The following B3GALT1 variants were observed in gnomAD, a reference collection of about 807,000 sequenced individuals.
B3GALT1 encodes beta-1,3-galactosyltransferase 1.
A neutral mutation model predicts 23.2 loss-of-function variants in B3GALT1; 10 were observed. The observed-to-expected ratio is 0.43, with a 90% CI of 0.27 to 0.73. B3GALT1 has a LOEUF of 0.73. Ranked by LOEUF, B3GALT1 falls within the 30% of genes least tolerant of loss-of-function variation. The pLI is 0.21. For synonymous variants in B3GALT1, 156 were observed against 141.5 expected, an observed-to-expected ratio of 1.10 and a Z score of -0.73; for missense variants, 299 against 405.4, an observed-to-expected ratio of 0.74 and a Z score of 2.25.
At chr2:167,746,743 A>T (rs1687658936) in intron 3 of B3GALT1, among the ~76,000 whole-genome samples, 1 of 152,212 alleles carries the variant, frequency 6.6e-6, no homozygotes, top group Admixed American at 6.5e-5. Context: ...TGCCATTATG[A>T]AATGTGTTTT....
intron 2 of B3GALT1, among the ~76,000 whole-genome samples, chr2:167,506,037 G>A (rs916709143): frequency 6.6e-6 from 1 of 152,024 alleles, no homozygotes; most frequent in Non-Finnish European, 1.5e-5. Flanking sequence ...TCCAGCCTGG[G>A]TGACAGAGCG....
intron 1 of B3GALT1, among the ~76,000 whole-genome samples, chr2:167,454,196 A>AGTGTGTGTGTGTGTGT (rs35747652): frequency 2.6e-4 from 40 of 152,056 alleles, no homozygotes; most frequent in African/African-American, 9.4e-4. Context: ...ATAACAGGAA[A>AGTGTGTGTGTGTGTGT]GTGTGTGTGT....
intron 2 of B3GALT1, among the ~76,000 whole-genome samples, chr2:167,623,474 C>T (rs1056717072): frequency 6.6e-5 from 10 of 151,994 alleles, no homozygotes; most frequent in African/African-American, 2.2e-4. Context: ...AAGCTGGAAA[C>T]CATCATTCTC....
intron 4 of B3GALT1, among the ~76,000 whole-genome samples, chr2:167,858,689 A>G (rs1011025042): frequency 6.6e-6 from 1 of 152,156 alleles, no homozygotes; most frequent in South Asian, 2.1e-4. Flanking sequence ...CCAATGCCAT[A>G]AGGCTGACTG....
chr2:167,644,779 TAAA>T (rs199652424), intron 2 of B3GALT1, among the ~76,000 whole-genome samples: 1,975 of 91,154 alleles, frequency 0.022, 67 homozygotes, highest in African/African-American at 0.084. Context: ...GACTCTGTCT[TAAA>T]AAAAAAAAAA....
chr2:167,569,155 G>A (rs1467710381), intron 2 of B3GALT1, among the ~76,000 whole-genome samples: 1 of 151,814 alleles, frequency 6.6e-6, no homozygotes, highest in African/African-American at 2.4e-5. Flanking sequence ...GTCAGATAAT[G>A]TCAGTTCTCC....
At chr2:167,339,064 T>C (rs1697105909) in intron 1 of B3GALT1, among the ~76,000 whole-genome samples, 1 of 152,128 alleles carries the variant, frequency 6.6e-6, no homozygotes, top group African/African-American at 2.4e-5. Context: ...TTGCTCAAAT[T>C]AAAGATATGC....
intron 4 of B3GALT1, among the ~76,000 whole-genome samples, chr2:167,834,252 A>G (rs1689411994): frequency 6.6e-6 from 1 of 152,208 alleles, no homozygotes; most frequent in Non-Finnish European, 1.5e-5. Context: ...AGTCTTCTGT[A>G]TAAACATCTG....
chr2:167,306,493 A>G (rs1222305986), intron 1 of B3GALT1, among the ~76,000 whole-genome samples: 4 of 152,028 alleles, frequency 2.6e-5, no homozygotes, highest in Non-Finnish European at 5.9e-5. Flanking sequence ...TTTTAAATGA[A>G]AAAACAACTA....
chr2:167,633,272 A>G (rs1036848840), intron 2 of B3GALT1, among the ~76,000 whole-genome samples: 3 of 151,876 alleles, frequency 2.0e-5, no homozygotes, highest in African/African-American at 7.3e-5. Context: ...AAAAAATGTT[A>G]AGGGCAGCCA....
At chr2:167,739,614 A>T (rs553852760) in intron 3 of B3GALT1, among the ~76,000 whole-genome samples, 4 of 152,022 alleles carry the variant, frequency 2.6e-5, no homozygotes, top group African/African-American at 9.7e-5. Context: ...TATTTTCTCC[A>T]TAGTGCTTTT....
At chr2:167,479,146 C>G (rs11884969) in intron 1 of B3GALT1, among the ~76,000 whole-genome samples, 1 of 151,994 alleles carries the variant, frequency 6.6e-6, no homozygotes, top group Admixed American at 6.6e-5. Flanking sequence ...TGGAGTAGAT[C>G]ACTTCACCTT....
intron 2 of B3GALT1, among the ~76,000 whole-genome samples, chr2:167,553,054 A>T (rs1240438398): frequency 6.6e-6 from 1 of 152,210 alleles, no homozygotes; most frequent in Non-Finnish European, 1.5e-5. Flanking sequence ...AAATGTCATC[A>T]AATATTTATT....
intron 2 of B3GALT1, among the ~76,000 whole-genome samples, chr2:167,495,544 G>C (rs1349808915): frequency 2.6e-5 from 4 of 152,034 alleles, no homozygotes; most frequent in Non-Finnish European, 5.9e-5. Context: ...TGTTGGTCAG[G>C]CTGGTCTCGA....
At chr2:167,664,129 G>A (rs1379038252) in intron 3 of B3GALT1, among the ~76,000 whole-genome samples, 1 of 150,128 alleles carries the variant, frequency 6.7e-6, no homozygotes, top group Non-Finnish European at 1.5e-5. Context: ...ATCTTGAATT[G>A]ATTTTTGTAT....
At chr2:167,455,172 G>A (rs1699149582) in intron 1 of B3GALT1, among the ~76,000 whole-genome samples, 1 of 152,146 alleles carries the variant, frequency 6.6e-6, no homozygotes, top group Non-Finnish European at 1.5e-5. Flanking sequence ...GATTTTCCTA[G>A]ATTGAGAACC....
At chr2:167,426,656 A>T (rs1382548179) in intron 1 of B3GALT1, among the ~76,000 whole-genome samples, 2 of 152,188 alleles carry the variant, frequency 1.3e-5, no homozygotes, top group Non-Finnish European at 2.9e-5. Context: ...CAGTCCTAGT[A>T]ATTATTAAAT....
rs887189047 is a variant in B3GALT1, at chr2:167,562,243, A to C, written c.-410+71966A>C. ...TCAATAGATGCAGAAAAGGCCTTTG[A>C]CAAAATTCAACAACCCTTCATGCTA... On this transcript the variant is annotated intron_variant, in intron 2 of 4. Transcript: ENST00000392690. Among the ~76,000 whole-genome samples the C allele has an allele frequency of 1.8e-4, 28 of 152,368 alleles. No homozygotes were observed. In the East Asian group the frequency reaches 4.2e-3, roughly 23 times the overall value.
chr2:167,529,466 G>A (rs1243850594), intron 2 of B3GALT1, among the ~76,000 whole-genome samples: 1 of 151,618 alleles, frequency 6.6e-6, no homozygotes, highest in Non-Finnish European at 1.5e-5. Context: ...AATAGAATTA[G>A]GATGAATCTA....
Sources: allele counts gnomAD v4.1 joint callset (sites outside exome capture counted in the v4.1 genomes callset), GRCh38; gene constraint gnomAD v4.1.1; transcripts MANE v1.5; gene names NCBI Gene and HGNC (gene_info 2026-07-23, HGNC 2026-07-21).